Variants in PREX2 observed in about 807,000 individuals in gnomAD.
PREX2 encodes the protein phosphatidylinositol-3,4,5-trisphosphate dependent Rac exchange factor 2, also known as phosphatidylinositol 3,4,5-trisphosphate-dependent Rac exchanger 2 protein.
Under a neutral mutation model 203.2 loss-of-function variants are expected in PREX2, and 107 were observed. The observed-to-expected ratio is 0.53, with a 90% CI of 0.45 to 0.62. The LOEUF (loss-of-function observed/expected upper bound fraction) is 0.62, where lower values mean the gene tolerates loss of function less well. Among genes scored for constraint, PREX2 ranks in the 20% least tolerant of loss-of-function variants. PREX2 has a pLI of 0.00. For synonymous variants in PREX2, 672 were observed against 663.6 expected (o/e 1.01, Z -0.19); for missense variants, 1,777 against 1,955.9 (o/e 0.91, Z 1.72).
chr8:68,050,037 T>C (rs894329979), intron 8 of PREX2, among the ~76,000 whole-genome samples: 1 of 151,802 alleles, frequency 6.6e-6, no homozygotes, highest in Non-Finnish European at 1.5e-5. Flanking sequence ...TATATTCAAT[T>C]GTATATGTGT....
intron 37 of PREX2, among the ~76,000 whole-genome samples, chr8:68,206,919 A>G (rs1030496320): frequency 6.6e-6 from 1 of 152,140 alleles, no homozygotes; most frequent in Admixed American, 6.5e-5. Context: ...GAAAACAAGA[A>G]AATATAGTCC....
intron 37 of PREX2, among the ~76,000 whole-genome samples, chr8:68,201,723 A>T (rs1212361191): frequency 6.6e-6 from 1 of 152,036 alleles, no homozygotes; most frequent in Non-Finnish European, 1.5e-5. Context: ...AATACTTTGC[A>T]TCCTTCAGTC....
chr8:68,205,660 G>A (rs1812608930), intron 37 of PREX2, among the ~76,000 whole-genome samples: 1 of 152,158 alleles, frequency 6.6e-6, no homozygotes, highest in South Asian at 2.1e-4. Flanking sequence ...TAGAGAATTA[G>A]TTTCTTCAAT....
At chr8:68,138,279 T>A (rs1160681949) in intron 32 of PREX2, 136 bp from the exon 33 acceptor site, 27 of 410,126 alleles carry the variant, frequency 6.6e-5, no homozygotes, top group Non-Finnish European at 1.1e-4. Flanking sequence ...ATTACAGAAG[T>A]CTTTATAATT....
Position 68,080,298 on chromosome 8 carries a change from C to T in PREX2, c.1643-145C>T, listed in dbSNP as rs189004293. On this transcript the variant is annotated intron_variant, in intron 15 of 39. Coordinates refer to ENST00000288368, the MANE Select transcript of PREX2 (RefSeq NM_024870.4). ...ATAGAAAGAGAAAAAAAACAAAACCCGGGGCTACTTGTGAATGTAACTAGT... is the reference window on the plus strand; with the variant it reads ...ATAGAAAGAGAAAAAAAACAAAACCTGGGGCTACTTGTGAATGTAACTAGT... 3.6e-4 allele frequency: 207 copies of T among 575,216 alleles called. No homozygotes were observed. The African/African-American group carries it at 3.8e-3, about 11-fold the overall frequency. The allele number at this position is 575,216 out of a possible 1,614,324, so 35.6% of individuals were successfully genotyped here. A position where few individuals can be genotyped will look rare whatever the true frequency, so the allele number is the denominator to read the frequency against.
At chr8:67,955,147 CAAAAAAAAAAA>C (rs1183491822) in intron 1 of PREX2, among the ~76,000 whole-genome samples, 4 of 51,930 alleles carry the variant, frequency 7.7e-5, no homozygotes, top group Middle Eastern at 0.023. Flanking sequence ...GACTCCATCT[CAAAAAAAAAAA>C]AAAAAAAAAA....
chr8:68,122,473 A>G (rs1174444897), intron 30 of PREX2, among the ~76,000 whole-genome samples: 1 of 152,078 alleles, frequency 6.6e-6, no homozygotes, highest in Non-Finnish European at 1.5e-5. Context: ...TTGAAAAACT[A>G]TTATGTTTTA....
chr8:68,066,778 G>A (rs2129611490), intron 11 of PREX2, among the ~76,000 whole-genome samples: 1 of 151,866 alleles, frequency 6.6e-6, no homozygotes, highest in East Asian at 1.9e-4. Flanking sequence ...CCGTACTTTT[G>A]GGGTCCTCTC....
chr8:68,152,829 C>T (rs1392766443), intron 34 of PREX2, among the ~76,000 whole-genome samples: 2 of 152,168 alleles, frequency 1.3e-5, no homozygotes, highest in Non-Finnish European at 2.9e-5. Flanking sequence ...GCAGGCATCT[C>T]AACTATTGTC....
intron 39 of PREX2, among the ~76,000 whole-genome samples, chr8:68,229,439 A>T (rs1306539845): frequency 6.6e-6 from 1 of 152,160 alleles, no homozygotes; most frequent in African/African-American, 2.4e-5. Context: ...TTTCACTTAG[A>T]AATTTCATCT....
At position 68,077,393 on chromosome 8, in the gene PREX2, A is replaced by C. The variant is rs1231379497; in HGVS notation, c.1570-4A>C. ...AACTCCCACAGTGCTTTTTTGGTTA[A>C]CAGGGAGATTGCCGCACCAGAGAAG... On this transcript the variant is annotated splice_region_variant and splice_polypyrimidine_tract_variant and intron_variant, in intron 14 of 39. Transcript: ENST00000288368. 6.2e-7 allele frequency: 1 copy of C among 1,612,874 alleles called. No homozygotes were observed. Among genetic ancestry groups the C allele is most frequent in the South Asian group, 1.1e-5 (1 of 91,064 alleles).
intron 1 of PREX2, among the ~76,000 whole-genome samples, chr8:68,009,767 T>G (rs531167586): frequency 6.6e-6 from 1 of 152,352 alleles, no homozygotes; most frequent in African/African-American, 2.4e-5. Context: ...AATTTAAATT[T>G]TATAAACTAG....
rs267601977 is a variant in PREX2 at position 68,146,241 on chromosome 8, C to T, written c.4120C>T (p.Arg1374Trp). The T allele has an allele frequency of 1.4e-5, 22 of 1,610,604 alleles. No homozygotes were observed. Among genetic ancestry groups the T allele is most frequent in the South Asian group, 2.2e-5 (2 of 90,860 alleles). ...TCTTACATATCAAGCAGAAGGAAGTCGGCAAGCTCTGAAAGTTTACTTCTA... is the reference window on the plus strand; with the variant it reads ...TCTTACATATCAAGCAGAAGGAAGTTGGCAAGCTCTGAAAGTTTACTTCTA... ...VPLTYQAEGS[R>W]QALKVYFYID... The change falls in exon 34 of 40, where the codon CGG becomes TGG. Residue 1374 changes from arginine to tryptophan, a missense_variant. Coordinates refer to ENST00000288368, the MANE Select transcript of PREX2 (RefSeq NM_024870.4).
intron 20 of PREX2, among the ~76,000 whole-genome samples, chr8:68,092,883 G>A (rs1247096594): frequency 6.6e-6 from 1 of 152,002 alleles, no homozygotes; most frequent in African/African-American, 2.4e-5. Flanking sequence ...TGAACTTCTG[G>A]GCTCAAGCGA....
Position 67,952,439 on chromosome 8 carries a change from G to A in PREX2, c.45G>A (p.Lys15=), listed in dbSNP as rs1186884087. ...SRGDSRAESA[K]DLEKQLRLRV... Reference sequence around the variant, plus strand: ...GAGACAGCCGCGCCGAGAGCGCCAAGGACCTGGAGAAGCAGCTTCGCCTGC... The same window carrying A: ...GAGACAGCCGCGCCGAGAGCGCCAAAGACCTGGAGAAGCAGCTTCGCCTGC... Residue 15 remains lysine, a synonymous_variant, in exon 1 of 40, where the codon AAG becomes AAA. Transcript: ENST00000288368. 3.8e-6 allele frequency: 6 copies of A among 1,590,112 alleles called. No individual in the cohort carries two copies. Among genetic ancestry groups the A allele is most frequent in the Non-Finnish European group, 5.1e-6 (6 of 1,169,102 alleles).
At chr8:68,114,772 TA>T in intron 25 of PREX2, among the ~76,000 whole-genome samples, 1 of 152,232 alleles carries the variant, frequency 6.6e-6, no homozygotes, top group East Asian at 1.9e-4. Context: ...TAGTGTCTTG[TA>T]ATCCCCAAGG....
intron 21 of PREX2, 102 bp downstream of exon 21, chr8:68,093,824 T>C (rs1005740574): frequency 1.8e-5 from 10 of 551,178 alleles, no homozygotes; most frequent in Non-Finnish European, 3.2e-5. Context: ...TGAAGCCACA[T>C]TCTTAAGTCG....
At chr8:67,992,777 T>C (rs1399729133) in intron 1 of PREX2, among the ~76,000 whole-genome samples, 1 of 152,210 alleles carries the variant, frequency 6.6e-6, no homozygotes, top group Non-Finnish European at 1.5e-5. Context: ...TTAGTTTGAG[T>C]TATTCATCTG....
intron 35 of PREX2, among the ~76,000 whole-genome samples, chr8:68,165,466 G>A (rs780735291): frequency 2.6e-5 from 4 of 151,892 alleles, no homozygotes; most frequent in Admixed American, 1.3e-4. Context: ...TTCACGGACG[G>A]GTTTTTTAGT....
Sources: gnomAD v4.1 joint callset for allele counts (sites outside exome capture counted in the v4.1 genomes callset) on GRCh38, gnomAD v4.1.1 for gene constraint, MANE v1.5 for transcripts, NCBI Gene and HGNC (gene_info 2026-07-23, HGNC 2026-07-21) for gene names.